CNGA1: variants seen among roughly 807,000 people sequenced by gnomAD.
CNGA1 encodes cyclic nucleotide-gated channel alpha-1.
Under a neutral mutation model 69.7 loss-of-function variants are expected in CNGA1, and 53 were observed. The ratio of observed to expected loss-of-function variants is 0.76; its 90% CI spans 0.61 to 0.96. The LOEUF is 0.96. CNGA1 is among the 40% of genes least tolerant of loss of function. The pLI, the probability that CNGA1 is intolerant of heterozygous loss-of-function variation, is 0.00. For synonymous variants in CNGA1, 249 were observed against 283.5 expected (o/e 0.88, Z 1.22); for missense variants, 739 against 811.2 (o/e 0.91, Z 1.08).
chr4:47,943,865 A>C (rs1171603571), intron 6 of CNGA1, among the ~76,000 whole-genome samples: 2 of 152,218 alleles, frequency 1.3e-5, no homozygotes, highest in Non-Finnish European at 2.9e-5. Flanking sequence ...ATTTTTCATG[A>C]GTAATCAACA....
chr4:47,983,316 C>T (rs1316464625), intron 2 of CNGA1, among the ~76,000 whole-genome samples: 1 of 151,990 alleles, frequency 6.6e-6, no homozygotes, highest in Non-Finnish European at 1.5e-5. Context: ...CTTGGCGGGG[C>T]GTCGTGGCTC....
At chr4:47,976,762 G>A (rs983116277) in intron 3 of CNGA1, among the ~76,000 whole-genome samples, 6 of 152,310 alleles carry the variant, frequency 3.9e-5, no homozygotes, top group East Asian at 1.9e-4. Flanking sequence ...TTTGTTGAGC[G>A]CTCCCTTTGA....
At chr4:48,007,619 G>A (rs1214837723) in intron 2 of CNGA1, among the ~76,000 whole-genome samples, 1 of 151,930 alleles carries the variant, frequency 6.6e-6, no homozygotes, top group African/African-American at 2.4e-5. Context: ...AATGTCACAA[G>A]TACTTTAAAA....
intron 2 of CNGA1, among the ~76,000 whole-genome samples, chr4:48,000,389 G>A (rs1365078381): frequency 6.8e-6 from 1 of 146,210 alleles, no homozygotes; most frequent in African/African-American, 2.6e-5. Context: ...TTTTTTTTGA[G>A]ACAGAGTTTC....
intron 1 of CNGA1, among the ~76,000 whole-genome samples, chr4:48,011,900 C>T (rs565879702): frequency 1.3e-5 from 2 of 152,140 alleles, no homozygotes; most frequent in Admixed American, 6.5e-5. Flanking sequence ...TTAATAGTGG[C>T]GGCCCTTAAA....
At chr4:47,974,205 A>AC (rs5858097) in intron 3 of CNGA1, among the ~76,000 whole-genome samples, 132,095 of 152,046 alleles carry the variant, frequency 0.87, 57,875 homozygotes, top group East Asian at 0.98. Flanking sequence ...ATAGTATCAT[A>AC]CATTTTATTT....
intron 2 of CNGA1, among the ~76,000 whole-genome samples, chr4:48,000,508 T>C (rs1356106434): frequency 6.6e-6 from 1 of 152,148 alleles, no homozygotes; most frequent in Non-Finnish European, 1.5e-5. Flanking sequence ...TAGGTGGGAT[T>C]ACAGGCATGT....
intron 2 of CNGA1, among the ~76,000 whole-genome samples, chr4:48,003,802 G>A (rs1714769686): frequency 6.6e-6 from 1 of 152,180 alleles, no homozygotes; most frequent in East Asian, 1.9e-4. Context: ...GCCAGCATCT[G>A]GGAAGATGCC....
In CNGA1 at chr4:48,003,480, C is replaced by T. The variant is rs184033036; in HGVS notation, c.-123+7314G>A. On this transcript the variant is annotated intron_variant, in intron 2 of 10. Transcript: ENST00000514170. ...CCCCTTTTCTGTGGGCAGCAAGTCA[C>T]CCAGGTGCCGAGGCAAGAGACCAAG... is the stretch of plus-strand genomic sequence containing the variant. 4.7e-3 allele frequency among the ~76,000 whole-genome samples: 709 copies of T among 152,174 alleles called. 4 individuals carry two copies. The highest frequency in any genetic ancestry group is 0.017 in the African/African-American group (694 of 41,486).
At chr4:47,969,727 C>T (rs1740916334) in intron 3 of CNGA1, among the ~76,000 whole-genome samples, 1 of 152,126 alleles carries the variant, frequency 6.6e-6, no homozygotes, top group Non-Finnish European at 1.5e-5. Flanking sequence ...GCTTTGGCCT[C>T]CCAAAGTGTT....
chr4:47,940,175 G>A (rs529908897), intron 10 of CNGA1, among the ~76,000 whole-genome samples: 8 of 152,260 alleles, frequency 5.3e-5, no homozygotes, highest in Admixed American at 3.9e-4. Flanking sequence ...CAGGATACTA[G>A]TATTTAGAGA....
In CNGA1 at chr4:48,011,412, TACACAC is replaced by T. The variant is rs60964628; in HGVS notation, c.-222-525_-222-520del. On this transcript the variant is annotated intron_variant, in intron 1 of 10. Transcript: ENST00000514170. ...GCACACATGCACACACATGCACACA[TACACAC>T]ACACACACACACATCTTGGATGTTA... Among the ~76,000 whole-genome samples, 1,326 of 150,484 alleles carry T rather than the reference TACACAC, an allele frequency of 8.8e-3. 16 individuals carry two copies. The highest frequency in any genetic ancestry group is 0.03 in the African/African-American group (1,213 of 41,110).
At chr4:47,947,437 CGCTGAGG>C (rs1323260907) in intron 6 of CNGA1, among the ~76,000 whole-genome samples, 2 of 152,014 alleles carry the variant, frequency 1.3e-5, no homozygotes, top group Admixed American at 1.3e-4. Context: ...CACTTTAGGA[CGCTGAGG>C]TGGGAGGATC....
chr4:47,980,071 G>C (rs1326286870), intron 3 of CNGA1, among the ~76,000 whole-genome samples: 1 of 152,158 alleles, frequency 6.6e-6, no homozygotes, highest in Non-Finnish European at 1.5e-5. Context: ...TTCTCTAGGG[G>C]ACATAAGGTA....
In CNGA1 at chr4:47,936,792, T is replaced by G. The variant is rs749152335; in HGVS notation, c.1690A>C (p.Ile564Leu). The G allele has an allele frequency of 3.5e-5, 57 of 1,614,052 alleles. No individual in the cohort carries two copies. The highest frequency in any genetic ancestry group is 3.6e-5 in the Non-Finnish European group (43 of 1,180,034). The part of the protein sequence containing the change: ...GNRRTANIKS[I>L]GYSDLFCLSK... ...AGACAGAACAGGTCTGAGTAGCCAA[T>G]ACTTTTAATATTGGCCGTTCTTCGA... The change falls in exon 11 of 11, where the codon ATT (isoleucine) becomes CTT (leucine). Residue 564 changes from isoleucine to leucine, a missense_variant. By Grantham distance (5) the Ile-to-Leu change is conservative. Transcript: ENST00000514170.
At position 47,936,640 on chromosome 4, in the gene CNGA1, A is replaced by C. The variant is rs769653731; in HGVS notation, c.1842T>G (p.Ser614Arg). The change falls in exon 11 of 11, where the codon AGT becomes AGG. Residue 614 changes from serine (S) to arginine (R), a missense_variant. By Grantham distance (110) the Ser-to-Arg change is moderately radical. Coordinates refer to ENST00000514170, the MANE Select transcript of CNGA1 (RefSeq NM_001379270.1). ...CCTTCTCTTCAAGATCTTTAGGATC[A>C]CTGCCAGCATTTGCAATGTTTAGAT... The part of the protein sequence containing the change: ...LLDLNIANAG[S>R]DPKDLEEKVT... 1 of 1,614,186 alleles carries C rather than the reference A, an allele frequency of 6.2e-7. No homozygotes were observed. Among genetic ancestry groups the C allele is most frequent in the East Asian group, 2.2e-5 (1 of 44,884 alleles).
intron 1 of CNGA1, among the ~76,000 whole-genome samples, chr4:48,013,223 G>A (rs1715243978): frequency 6.6e-6 from 1 of 152,162 alleles, no homozygotes; most frequent in Non-Finnish European, 1.5e-5. Context: ...TTTGCCAAAG[G>A]TCAGGGGCAT....
intron 2 of CNGA1, among the ~76,000 whole-genome samples, chr4:47,992,010 T>C (rs1047133267): frequency 6.6e-6 from 1 of 152,208 alleles, no homozygotes; most frequent in African/African-American, 2.4e-5. Context: ...TTTTCTATTC[T>C]GTTCCATTGG....
In CNGA1 at chr4:47,949,844, G is replaced by A; in HGVS notation, c.276C>T (p.Ser92=). The A allele has an allele frequency of 6.2e-7, 1 of 1,613,788 alleles. No individual in the cohort carries two copies. The highest frequency in any genetic ancestry group is 1.3e-5 in the African/African-American group (1 of 74,976). ...GTAAATATACTTACTGGTCCTTATT[G>A]CTGCTGTTGTTCACATTAAAAAGTG... ...AIALFNVNNS[S]NKDQEPEEKK... Residue 92 remains serine, a synonymous_variant, in exon 6 of 11, where the codon AGC becomes AGT. Coordinates refer to ENST00000514170, the MANE Select transcript of CNGA1 (RefSeq NM_001379270.1).
Sources: allele counts gnomAD v4.1 joint callset (sites outside exome capture counted in the v4.1 genomes callset), GRCh38; gene constraint gnomAD v4.1.1; transcripts MANE v1.5; gene names NCBI Gene and HGNC (gene_info 2026-07-23, HGNC 2026-07-21).